FLI1: variants seen among roughly 807,000 people sequenced by gnomAD.
FLI1 encodes the protein Fli-1 proto-oncogene, ETS transcription factor.
A neutral mutation model predicts 53.1 loss-of-function variants in FLI1; 13 were observed. The observed-to-expected ratio is 0.24, with a 90% CI of 0.16 to 0.39. FLI1 has a LOEUF of 0.39. FLI1 is among the 10% of genes least tolerant of loss of function. The pLI, the probability that FLI1 is intolerant of heterozygous loss-of-function variation, is 1.00. For synonymous variants in FLI1, 244 were observed against 236.7 expected (o/e 1.03, Z -0.28); for missense variants, 424 against 600.5 (o/e 0.71, Z 3.07).
At chr11:128,697,809 G>C (rs537857576) in intron 1 of FLI1, among the ~76,000 whole-genome samples, 4 of 152,164 alleles carry the variant, frequency 2.6e-5, no homozygotes, top group Non-Finnish European at 5.9e-5. Flanking sequence ...GCTCTGCACT[G>C]TGTATTGAGG....
intron 7 of FLI1, 75 bp from the exon 8 acceptor site, chr11:128,809,082 T>G (rs1942864829): frequency 8.3e-7 from 1 of 1,200,880 alleles, no homozygotes; most frequent in Non-Finnish European, 1.2e-6. Context: ...TAAACCCTTA[T>G]GGTTTTCTTA....
intron 1 of FLI1, among the ~76,000 whole-genome samples, chr11:128,733,334 A>C (rs1939776641): frequency 6.6e-6 from 1 of 152,168 alleles, no homozygotes; most frequent in Non-Finnish European, 1.5e-5. Context: ...CATTTTTAAC[A>C]ACACTTCAAG....
At chr11:128,698,340 C>A (rs1254504702) in intron 1 of FLI1, among the ~76,000 whole-genome samples, 1 of 152,194 alleles carries the variant, frequency 6.6e-6, no homozygotes, top group East Asian at 1.9e-4. Flanking sequence ...GATCTGTCCC[C>A]GTGACCACAC....
At chr11:128,769,205 G>C (rs1227987713) in intron 3 of FLI1, among the ~76,000 whole-genome samples, 2 of 152,172 alleles carry the variant, frequency 1.3e-5, no homozygotes, top group Non-Finnish European at 2.9e-5. Flanking sequence ...ACCCCAGCTA[G>C]CACCAGCAAG....
At chr11:128,742,135 A>G (rs1940167702) in intron 1 of FLI1, among the ~76,000 whole-genome samples, 1 of 152,138 alleles carries the variant, frequency 6.6e-6, no homozygotes, top group Non-Finnish European at 1.5e-5. Flanking sequence ...TCACTTGTCC[A>G]GGGTTACCAT....
chr11:128,736,426 G>C (rs887221742), intron 1 of FLI1, among the ~76,000 whole-genome samples: 25 of 152,190 alleles, frequency 1.6e-4, no homozygotes, highest in Non-Finnish European at 2.8e-4. Context: ...CTTGTAGCAG[G>C]CTTGTCATAC....
At chr11:128,766,877 C>A (rs1941360757) in intron 2 of FLI1, among the ~76,000 whole-genome samples, 2 of 152,056 alleles carry the variant, frequency 1.3e-5, no homozygotes. Flanking sequence ...TGGTTTGGAG[C>A]TCTTGAGAGA....
chr11:128,792,191 G>C (rs1047605054), intron 5 of FLI1, among the ~76,000 whole-genome samples: 7 of 152,150 alleles, frequency 4.6e-5, no homozygotes, highest in African/African-American at 1.7e-4. Flanking sequence ...AAACAGAAGA[G>C]AGCCTGTTCC....
intron 5 of FLI1, among the ~76,000 whole-genome samples, chr11:128,801,710 TAAG>T (rs1475634554): frequency 5.3e-5 from 8 of 152,156 alleles, no homozygotes; most frequent in Non-Finnish European, 8.8e-5. Flanking sequence ...TCATGAACAA[TAAG>T]AAGAATTGTG....
chr11:128,788,013 C>T (rs613470), intron 5 of FLI1, among the ~76,000 whole-genome samples: 58,491 of 150,558 alleles, frequency 0.39, 12,911 homozygotes, highest in African/African-American at 0.63. Flanking sequence ...GGTTTCACCA[C>T]GTTAGCCAGG....
chr11:128,808,335 T>A (rs1342461124), intron 7 of FLI1, among the ~76,000 whole-genome samples: 2 of 152,198 alleles, frequency 1.3e-5, no homozygotes, highest in African/African-American at 4.8e-5. Context: ...ACAAAATACA[T>A]GACAATTTTG....
intron 1 of FLI1, among the ~76,000 whole-genome samples, chr11:128,744,775 C>T (rs1482808102): frequency 6.6e-6 from 1 of 152,022 alleles, no homozygotes; most frequent in Non-Finnish European, 1.5e-5. Context: ...CAGAAAAGCA[C>T]AAAGAAAATT....
intron 1 of FLI1, chr11:128,748,187 C>G (rs1940487782): frequency 2.6e-6 from 2 of 764,510 alleles, no homozygotes; most frequent in South Asian, 1.2e-4. Context: ...TGTAAAACAC[C>G]ATTAAATAAA....
At chr11:128,740,451 T>A (rs1341613096) in intron 1 of FLI1, among the ~76,000 whole-genome samples, 2 of 152,242 alleles carry the variant, frequency 1.3e-5, no homozygotes, top group African/African-American at 4.8e-5. Context: ...CGAGACCCCA[T>A]AAATATGGTC....
intron 2 of FLI1, among the ~76,000 whole-genome samples, chr11:128,764,996 C>T (rs763048362): frequency 5.3e-5 from 8 of 151,210 alleles, no homozygotes; most frequent in Non-Finnish European, 8.8e-5. Context: ...CCCTGGCGGG[C>T]GAGCGGCCAA....
chr11:128,730,546 C>G (rs1196971352), intron 1 of FLI1, among the ~76,000 whole-genome samples: 1 of 152,212 alleles, frequency 6.6e-6, no homozygotes, highest in Non-Finnish European at 1.5e-5. Context: ...GGCTCTGGAA[C>G]AGACACATGT....
At chr11:128,764,728 C>G in intron 2 of FLI1, 1 of 1,568,786 alleles carries the variant, frequency 6.4e-7, no homozygotes, top group Non-Finnish European at 8.6e-7. Flanking sequence ...GCCGTGGAGC[C>G]CCATGGCCGC....
At chr11:128,714,710 C>G (rs1291631083) in intron 1 of FLI1, among the ~76,000 whole-genome samples, 1 of 121,652 alleles carries the variant, frequency 8.2e-6, no homozygotes, top group South Asian at 2.6e-4. Flanking sequence ...CTTGAAGGAC[C>G]TTTTTTTTTT....
At chr11:128,774,770 C>A (rs1285282656) in intron 4 of FLI1, among the ~76,000 whole-genome samples, 2 of 152,150 alleles carry the variant, frequency 1.3e-5, no homozygotes, top group East Asian at 3.9e-4. Context: ...TGCCATATGA[C>A]CCCGGGGCCC....
Sources: gnomAD v4.1 joint callset for allele counts (sites outside exome capture counted in the v4.1 genomes callset) on GRCh38, gnomAD v4.1.1 for gene constraint, MANE v1.5 for transcripts, NCBI Gene and HGNC (gene_info 2026-07-23, HGNC 2026-07-21) for gene names.